Variants in EPYC observed in about 807,000 individuals in gnomAD.
EPYC encodes epiphycan.
EPYC carries 28 observed loss-of-function variants against 30.1 expected under a neutral mutation model. The observed-to-expected ratio is 0.93, with a 90% CI of 0.69 to 1.28. The LOEUF (loss-of-function observed/expected upper bound fraction) is 1.28, where lower values mean the gene tolerates loss of function less well. EPYC is among the 50% of genes most tolerant of loss of function. The pLI is 0.00. For synonymous variants in EPYC, 144 were observed against 141.4 expected, an observed-to-expected ratio of 1.02 and a Z score of -0.13; for missense variants, 382 against 383.5, an observed-to-expected ratio of 1.00 and a Z score of 0.03.
chr12:90,973,846 G>T (rs1479067684), intron 3 of EPYC, among the ~76,000 whole-genome samples: 2 of 152,076 alleles, frequency 1.3e-5, no homozygotes, highest in Non-Finnish European at 2.9e-5. Flanking sequence ...ATACGATGCG[G>T]TTTGCATGGT....
At position 90,972,017 on chromosome 12, in the gene EPYC, T is replaced by C. The variant is rs750932885; in HGVS notation, c.500-15A>G. Reference sequence around the variant, plus strand: ...TTTTAAATCACCTAGCAGAAAAAAATAAAGGAAGTAATTAAATATTCTTGT... The same window carrying C: ...TTTTAAATCACCTAGCAGAAAAAAACAAAGGAAGTAATTAAATATTCTTGT... On this transcript the variant is annotated splice_polypyrimidine_tract_variant and intron_variant, in intron 4 of 6. Coordinates refer to ENST00000261172, the MANE Select transcript of EPYC (RefSeq NM_004950.5). 1.8e-5 allele frequency: 24 copies of C among 1,366,862 alleles called. No homozygotes were observed. Among genetic ancestry groups the C allele is most frequent in the Non-Finnish European group, 2.4e-5 (24 of 1,000,492 alleles). The allele number at this position is 1,366,862 out of a possible 1,614,324, so 84.7% of individuals were successfully genotyped here.
At chr12:90,966,087 C>A (rs1876888142) in intron 6 of EPYC, among the ~76,000 whole-genome samples, 1 of 151,924 alleles carries the variant, frequency 6.6e-6, no homozygotes, top group South Asian at 2.1e-4. Flanking sequence ...GAAGAATGAC[C>A]TTATTTCCAA....
intron 6 of EPYC, among the ~76,000 whole-genome samples, chr12:90,968,335 TAGA>T (rs1259881201): frequency 6.6e-6 from 1 of 152,214 alleles, no homozygotes; most frequent in African/African-American, 2.4e-5. Flanking sequence ...CCATCCTGTA[TAGA>T]AGATCACCTT....
intron 2 of EPYC, among the ~76,000 whole-genome samples, chr12:90,996,784 T>C (rs1226206570): frequency 6.6e-6 from 1 of 152,074 alleles, no homozygotes; most frequent in Non-Finnish European, 1.5e-5. Context: ...AAATTTTCTA[T>C]GACCAGTTTT....
At chr12:90,981,319 G>T (rs1178399547) in intron 2 of EPYC, among the ~76,000 whole-genome samples, 1 of 152,114 alleles carries the variant, frequency 6.6e-6, no homozygotes, top group Admixed American at 6.6e-5. Context: ...TGACCCTGAA[G>T]TGTCTCAGAC....
chr12:90,983,751 C>T (rs1026077463), intron 2 of EPYC, among the ~76,000 whole-genome samples: 1 of 152,096 alleles, frequency 6.6e-6, no homozygotes, highest in African/African-American at 2.4e-5. Context: ...TGAGGCTAGT[C>T]CTGCTTCTAA....
intron 2 of EPYC, among the ~76,000 whole-genome samples, chr12:90,985,466 C>A (rs995226608): frequency 6.6e-6 from 1 of 152,068 alleles, no homozygotes; most frequent in Middle Eastern, 3.2e-3. Flanking sequence ...TTAAACCTGG[C>A]AACCTTGGTG....
intron 5 of EPYC, among the ~76,000 whole-genome samples, chr12:90,970,961 C>T (rs187120381): frequency 1.3e-5 from 2 of 152,314 alleles, no homozygotes; most frequent in South Asian, 2.1e-4. Context: ...TGTTCTCAGA[C>T]CCTATGCTGT....
At chr12:90,984,567 A>T (rs1181864332) in intron 2 of EPYC, among the ~76,000 whole-genome samples, 1 of 152,146 alleles carries the variant, frequency 6.6e-6, no homozygotes, top group Non-Finnish European at 1.5e-5. Context: ...ACTATCCTGC[A>T]GCTTGATCTT....
chr12:90,977,903 A>G (rs1877225018), intron 3 of EPYC, among the ~76,000 whole-genome samples, 185 bp downstream of exon 3: 1 of 152,132 alleles, frequency 6.6e-6, no homozygotes, highest in Non-Finnish European at 1.5e-5. Flanking sequence ...ATGAGACCGA[A>G]GCTGAATTAT....
chr12:91,002,620 A>G, intron 1 of EPYC, 42 bp from the exon 2 acceptor site: 2 of 1,427,824 alleles, frequency 1.4e-6, no homozygotes, highest in Non-Finnish European at 9.5e-7. Flanking sequence ...TTAATTGATA[A>G]CTTATGAATA....
rs560408641 is a variant in EPYC, at chr12:90,974,038, TCACACA to T, written c.341-1064_341-1059del. Among the ~76,000 whole-genome samples the T allele has an allele frequency of 4.7e-3, 665 of 140,470 alleles. 6 individuals carry two copies. The highest frequency in any genetic ancestry group is 0.026 in the South Asian group (115 of 4,464). 92.2% of individuals were successfully genotyped at this position (140,470 alleles called of 152,430 possible). On this transcript the variant is annotated intron_variant, in intron 3 of 6. Coordinates refer to ENST00000261172, the MANE Select transcript of EPYC (RefSeq NM_004950.5). Reference sequence around the variant, plus strand: ...TTTTTCTTTTCTGTCTTACACACACTCACACACACACACACACACACACACACACAC... The same window carrying T: ...TTTTTCTTTTCTGTCTTACACACACTCACACACACACACACACACACACAC...
At chr12:90,981,391 T>C (rs577272414) in intron 2 of EPYC, among the ~76,000 whole-genome samples, 30 of 152,298 alleles carry the variant, frequency 2.0e-4, no homozygotes, top group African/African-American at 7.2e-4. Flanking sequence ...TTACATTTAT[T>C]GTATCAGATT....
chr12:90,989,989 C>T (rs1592629614), intron 2 of EPYC, among the ~76,000 whole-genome samples: 1 of 152,118 alleles, frequency 6.6e-6, no homozygotes, highest in Middle Eastern at 3.4e-3. Context: ...CCTTATTGCC[C>T]TTGTTCCCCA....
rs1877061080 is a variant in EPYC, at chr12:90,971,945, G to A, written c.557C>T (p.Ala186Val). Residue 186 changes from alanine to valine, a missense_variant, in exon 5 of 7, where the codon GCA (alanine) becomes GTA (valine). Transcript: ENST00000261172. ...SNLISEIDEDAFRKLPQLREL... is the reference protein window; with the variant it reads ...SNLISEIDEDVFRKLPQLREL... ...TCGAAGTTGAGGCAGTTTTCGGAAT[G>A]CATCTTCATCAATCTCAGATATTAA... is the stretch of plus-strand genomic sequence containing the variant. The A allele has an allele frequency of 1.2e-6, 2 of 1,609,872 alleles. No individual in the cohort carries two copies. Among genetic ancestry groups the A allele is most frequent in the Admixed American group, 1.7e-5 (1 of 59,346 alleles).
At chr12:90,999,353 C>G (rs1262643689) in intron 2 of EPYC, among the ~76,000 whole-genome samples, 1 of 152,042 alleles carries the variant, frequency 6.6e-6, no homozygotes, top group African/African-American at 2.4e-5. Context: ...AGTCTTATAA[C>G]TTATAAGAAA....
intron 3 of EPYC, among the ~76,000 whole-genome samples, chr12:90,976,665 C>T (rs1231768021): frequency 6.6e-6 from 1 of 152,096 alleles, no homozygotes; most frequent in African/African-American, 2.4e-5. Context: ...AGACTTTTCT[C>T]ATAAGACCTG....
intron 2 of EPYC, among the ~76,000 whole-genome samples, chr12:90,990,001 G>A (rs1877545411): frequency 6.6e-6 from 1 of 152,034 alleles, no homozygotes; most frequent in Non-Finnish European, 1.5e-5. Context: ...TGTTCCCCAT[G>A]TAAGGATGCC....
Position 90,972,943 on chromosome 12 carries a change from G to C in EPYC, c.378C>G (p.Thr126=). The change falls in exon 4 of 7, where the codon ACC becomes ACG. Residue 126 remains threonine (T), a synonymous_variant. Coordinates refer to ENST00000261172, the MANE Select transcript of EPYC (RefSeq NM_004950.5). ...GTTCATGGTCATCACAGTACACGGT[G>C]GTACTTATACAAGTACACAAAAGAC... ...PTCLLCTCIS[T]TVYCDDHELD... 1.2e-6 allele frequency: 2 copies of C among 1,606,040 alleles called. No homozygotes were observed. Among genetic ancestry groups the C allele is most frequent in the Non-Finnish European group, 1.7e-6 (2 of 1,175,232 alleles).
Sources: gnomAD v4.1 joint callset for allele counts (sites outside exome capture counted in the v4.1 genomes callset) on GRCh38, gnomAD v4.1.1 for gene constraint, MANE v1.5 for transcripts, NCBI Gene and HGNC (gene_info 2026-07-23, HGNC 2026-07-21) for gene names.